The following NLGN1 variants were observed in gnomAD, a reference collection of about 807,000 sequenced individuals.
NLGN1 encodes neuroligin 1.
A neutral mutation model predicts 65.5 loss-of-function variants in NLGN1; 12 were observed. That is an observed-to-expected ratio of 0.18 (90% CI 0.12 to 0.30). NLGN1 has a LOEUF of 0.30. Among genes scored for constraint, NLGN1 ranks in the 10% least tolerant of loss-of-function variants. NLGN1 has a pLI of 1.00. For missense variants in NLGN1, 750 were observed against 1,007.1 expected (o/e 0.74, Z 3.46); for synonymous variants, 350 against 359.5 (o/e 0.97, Z 0.30).
At chr3:173,714,044 C>G (rs1769434592) in intron 3 of NLGN1, among the ~76,000 whole-genome samples, 1 of 152,024 alleles carries the variant, frequency 6.6e-6, no homozygotes, top group African/African-American at 2.4e-5. Context: ...TGTTTGAATG[C>G]AAAGTGTAAT....
intron 4 of NLGN1, among the ~76,000 whole-genome samples, chr3:174,065,984 G>C (rs1272739972): frequency 1.3e-5 from 2 of 152,150 alleles, no homozygotes; most frequent in Non-Finnish European, 2.9e-5. Flanking sequence ...GTTATCCATA[G>C]AAACTATGAT....
At chr3:173,770,803 T>A (rs1020209948) in intron 3 of NLGN1, among the ~76,000 whole-genome samples, 2 of 152,090 alleles carry the variant, frequency 1.3e-5, no homozygotes, top group African/African-American at 4.8e-5. Flanking sequence ...ATACTGCATG[T>A]GATTCAATTA....
chr3:173,449,040 G>A (rs1560269059), intron 2 of NLGN1, among the ~76,000 whole-genome samples: 1 of 152,022 alleles, frequency 6.6e-6, no homozygotes, highest in Non-Finnish European at 1.5e-5. Context: ...TTTTTTGAAG[G>A]GTTTTTTGTG....
chr3:174,007,060 T>G (rs1724571737), intron 4 of NLGN1, among the ~76,000 whole-genome samples: 1 of 151,712 alleles, frequency 6.6e-6, no homozygotes, highest in Admixed American at 6.6e-5. Context: ...AGACCAAGAC[T>G]TCATCTCAAA....
At chr3:173,871,545 T>C (rs985281859) in intron 4 of NLGN1, among the ~76,000 whole-genome samples, 1 of 152,210 alleles carries the variant, frequency 6.6e-6, no homozygotes, top group Non-Finnish European at 1.5e-5. Context: ...AATGGAAATA[T>C]TTCAAGCTCA....
intron 3 of NLGN1, among the ~76,000 whole-genome samples, chr3:173,673,038 T>C (rs183786766): frequency 1.3e-5 from 2 of 152,326 alleles, no homozygotes; most frequent in Non-Finnish European, 2.9e-5. Context: ...GAGACTGGTT[T>C]GTGATTAAAG....
intron 2 of NLGN1, among the ~76,000 whole-genome samples, chr3:173,563,302 T>G (rs535793900): frequency 1.3e-5 from 2 of 152,242 alleles, no homozygotes; most frequent in African/African-American, 4.8e-5. Context: ...ATAATGTGCA[T>G]GCACTTGCTA....
At chr3:173,617,235 T>C (rs1162435657) in intron 3 of NLGN1, among the ~76,000 whole-genome samples, 2 of 152,218 alleles carry the variant, frequency 1.3e-5, no homozygotes, top group Non-Finnish European at 2.9e-5. Flanking sequence ...CTTTGATATC[T>C]TTGTGGTTAT....
At chr3:173,559,322 C>T (rs1199812938) in intron 2 of NLGN1, among the ~76,000 whole-genome samples, 1 of 152,184 alleles carries the variant, frequency 6.6e-6, no homozygotes, top group Non-Finnish European at 1.5e-5. Flanking sequence ...ACCTACTCTG[C>T]GCTGTCTAAG....
intron 4 of NLGN1, among the ~76,000 whole-genome samples, chr3:173,914,063 A>G (rs1197442669): frequency 1.3e-5 from 2 of 152,116 alleles, no homozygotes; most frequent in Non-Finnish European, 2.9e-5. Context: ...TGAAATTGAA[A>G]TTTGGTTGCT....
chr3:174,050,550 G>A (rs1476151134), intron 4 of NLGN1, among the ~76,000 whole-genome samples: 3 of 151,982 alleles, frequency 2.0e-5, no homozygotes, highest in Non-Finnish European at 1.5e-5. Context: ...AAAGAAAATA[G>A]TACATCGCTT....
intron 3 of NLGN1, among the ~76,000 whole-genome samples, chr3:173,724,792 A>G (rs1771483338): frequency 6.6e-6 from 1 of 152,244 alleles, no homozygotes; most frequent in Non-Finnish European, 1.5e-5. Context: ...CCAAATGTCC[A>G]TCAATGATAG....
intron 4 of NLGN1, among the ~76,000 whole-genome samples, chr3:174,193,110 G>A (rs1258356877): frequency 1.3e-5 from 2 of 152,104 alleles, no homozygotes; most frequent in Admixed American, 6.5e-5. Flanking sequence ...TGTATCTGTA[G>A]TGCCATGTAA....
chr3:174,214,141 A>C (rs1427035407), intron 4 of NLGN1, among the ~76,000 whole-genome samples: 1 of 152,162 alleles, frequency 6.6e-6, no homozygotes, highest in Non-Finnish European at 1.5e-5. Context: ...AAAGGATACA[A>C]AACTACAGCC....
At chr3:174,002,960 A>G (rs561579877) in intron 4 of NLGN1, among the ~76,000 whole-genome samples, 1 of 152,332 alleles carries the variant, frequency 6.6e-6, no homozygotes, top group East Asian at 1.9e-4. Context: ...GCTTTAGCAG[A>G]GAGAAATTAG....
Position 174,259,938 on chromosome 3 carries a change from G to GC in NLGN1, c.647-15377_647-15376insC, listed in dbSNP as rs1318196309. 3.5e-5 allele frequency among the ~76,000 whole-genome samples: 5 copies of GC among 142,376 alleles called. No homozygotes were observed. The East Asian group carries it at 8.2e-4, about 23-fold the overall frequency. 93.4% of individuals were successfully genotyped at this position (142,376 alleles called of 152,430 possible). ...CTATGAGTGAGAATATACGGTGTTTGGTTTTTTGTTCTTGTGATAGTTTAC... is the reference window on the plus strand; with the variant it reads ...CTATGAGTGAGAATATACGGTGTTTGCGTTTTTTGTTCTTGTGATAGTTTAC... On this transcript the variant is annotated intron_variant, in intron 4 of 6. Coordinates refer to ENST00000457714, the Ensembl canonical transcript of NLGN1.
chr3:173,904,567 T>C (rs1015181533), intron 4 of NLGN1, among the ~76,000 whole-genome samples: 3 of 152,140 alleles, frequency 2.0e-5, no homozygotes, highest in African/African-American at 7.2e-5. Context: ...TAAATAGGCC[T>C]ATTGAATGTT....
At chr3:174,231,917 C>T (rs1034395218) in intron 4 of NLGN1, among the ~76,000 whole-genome samples, 9 of 152,190 alleles carry the variant, frequency 5.9e-5, no homozygotes, top group African/African-American at 1.9e-4. Context: ...TATCCCTTAA[C>T]TTATGGGATA....
intron 4 of NLGN1, among the ~76,000 whole-genome samples, chr3:174,237,680 C>T (rs1040355385): frequency 1.3e-5 from 2 of 152,102 alleles, no homozygotes; most frequent in Non-Finnish European, 2.9e-5. Context: ...CCTCAGTCTC[C>T]CAAGTAGCTA....
Sources: allele counts gnomAD v4.1 joint callset (sites outside exome capture counted in the v4.1 genomes callset), GRCh38; gene constraint gnomAD v4.1.1; transcripts MANE v1.5; gene names NCBI Gene and HGNC (gene_info 2026-07-23, HGNC 2026-07-21).